Variants in CORO2B observed in about 807,000 individuals in gnomAD.
CORO2B encodes coronin 2B, also known as coronin-2B.
A neutral mutation model predicts 58.8 loss-of-function variants in CORO2B; 26 were observed. The observed-to-expected ratio is 0.44, with a 90% CI of 0.32 to 0.61. The LOEUF (loss-of-function observed/expected upper bound fraction) is 0.61, where lower values mean the gene tolerates loss of function less well. CORO2B is among the 20% of genes least tolerant of loss of function. The pLI is 0.04. For missense variants in CORO2B, 460 were observed against 645.1 expected, an observed-to-expected ratio of 0.71 and a Z score of 3.11; for synonymous variants, 242 against 253.8, an observed-to-expected ratio of 0.95 and a Z score of 0.44.
intron 2 of CORO2B, among the ~76,000 whole-genome samples, chr15:68,667,848 G>A (rs79052899): frequency 0.028 from 4,227 of 152,292 alleles, 194 homozygotes; most frequent in African/African-American, 0.094. Flanking sequence ...ATAGAATATG[G>A]GGCAGTGAAG....
At chr15:68,596,031 G>A (rs529063384) in intron 1 of CORO2B, among the ~76,000 whole-genome samples, 1 of 152,152 alleles carries the variant, frequency 6.6e-6, no homozygotes, top group African/African-American at 2.4e-5. Flanking sequence ...TCGGGGGCTG[G>A]GAAGGTGATG....
intron 2 of CORO2B, among the ~76,000 whole-genome samples, chr15:68,668,230 C>T (rs1236114514): frequency 6.6e-6 from 1 of 152,206 alleles, no homozygotes; most frequent in Non-Finnish European, 1.5e-5. Flanking sequence ...AGGTCATCTG[C>T]CCCACAACGT....
In CORO2B at chr15:68,713,963, G is replaced by A. The variant is rs2140329489; in HGVS notation, c.687G>A (p.Val229=). ...NCKNHRVNRV[V]FLGNMKRLLT... The stretch of plus-strand genomic sequence containing the variant: ...AAAACCACAGAGTGAACCGGGTGGT[G>A]TTCCTGGGGAACATGAAGCGGCTCC... The change falls in exon 6 of 12, where the codon GTG becomes GTA. Residue 229 remains valine (V), a synonymous_variant. Coordinates refer to ENST00000261861, the MANE Select transcript of CORO2B (RefSeq NM_006091.5). 6.2e-7 allele frequency: 1 copy of A among 1,614,142 alleles called. No individual in the cohort carries two copies. The highest frequency in any genetic ancestry group is 2.2e-5 in the East Asian group (1 of 44,874).
At chr15:68,628,189 C>T (rs1452564682) in intron 1 of CORO2B, among the ~76,000 whole-genome samples, 2 of 152,230 alleles carry the variant, frequency 1.3e-5, no homozygotes, top group Non-Finnish European at 2.9e-5. Context: ...TTCTACGTGC[C>T]AAGCACTTTG....
At chr15:68,601,898 C>A (rs1899992900) in intron 1 of CORO2B, among the ~76,000 whole-genome samples, 1 of 152,050 alleles carries the variant, frequency 6.6e-6, no homozygotes, top group Non-Finnish European at 1.5e-5. Flanking sequence ...AAGATCAAGT[C>A]ATCAGCAAGT....
chr15:68,682,208 G>C (rs1380749879), intron 2 of CORO2B, among the ~76,000 whole-genome samples: 1 of 152,224 alleles, frequency 6.6e-6, no homozygotes, highest in African/African-American at 2.4e-5. Context: ...CCTGCAGATA[G>C]TTATGTATGC....
chr15:68,700,906 C>T (rs149073705), intron 3 of CORO2B, among the ~76,000 whole-genome samples: 1 of 152,092 alleles, frequency 6.6e-6, no homozygotes, highest in Non-Finnish European at 1.5e-5. Flanking sequence ...GTGGGCCGAG[C>T]TCCACATCTT....
At chr15:68,576,382 G>T (rs1408664941), upstream of CORO2B, among the ~76,000 whole-genome samples, 2 of 152,054 alleles carry the variant, frequency 1.3e-5, no homozygotes, top group Non-Finnish European at 2.9e-5. Context: ...AACATCACAT[G>T]GGTTGGGGGC....
At chr15:68,655,534 G>A (rs1447749275) in intron 2 of CORO2B, among the ~76,000 whole-genome samples, 1 of 152,114 alleles carries the variant, frequency 6.6e-6, no homozygotes, top group Non-Finnish European at 1.5e-5. Flanking sequence ...CTTATCCAAG[G>A]TTGCATGACA....
upstream of CORO2B, among the ~76,000 whole-genome samples, chr15:68,575,582 CGCCTCGG>C (rs1208803304): frequency 4.1e-4 from 40 of 96,696 alleles, no homozygotes; most frequent in Non-Finnish European, 6.1e-4. Context: ...GATCTGCCCC[CGCCTCGG>C]CCTCCCAAAG....
chr15:68,660,452 C>A (rs1901977983), intron 2 of CORO2B, among the ~76,000 whole-genome samples: 1 of 152,120 alleles, frequency 6.6e-6, no homozygotes, highest in South Asian at 2.1e-4. Context: ...CTCACTGTAG[C>A]CTCAACGTCC....
At chr15:68,540,949 C>T in the CORO2B span, among the ~76,000 whole-genome samples, 1 of 152,180 alleles carries the variant, frequency 6.6e-6, no homozygotes, top group Admixed American at 6.5e-5. Flanking sequence ...AGATCCTCTG[C>T]AAGGGCACAG....
intron 2 of CORO2B, among the ~76,000 whole-genome samples, chr15:68,693,191 C>G (rs1308677826): frequency 1.3e-5 from 2 of 152,140 alleles, no homozygotes; most frequent in African/African-American, 4.8e-5. Flanking sequence ...TTCTCCAGTC[C>G]TGTTTTTTCC....
chr15:68,659,981 G>A (rs75124251), intron 2 of CORO2B, among the ~76,000 whole-genome samples: 4,719 of 152,264 alleles, frequency 0.031, 213 homozygotes, highest in African/African-American at 0.094. Context: ...GAAGAAGAGG[G>A]GTTGGCATTG....
intron 1 of CORO2B, among the ~76,000 whole-genome samples, chr15:68,631,592 GCTC>G (rs1900831475): frequency 6.6e-6 from 1 of 152,156 alleles, no homozygotes; most frequent in Admixed American, 6.5e-5. Context: ...GTGCATTCCA[GCTC>G]TCAGAGCTGA....
the CORO2B span, among the ~76,000 whole-genome samples, chr15:68,528,539 C>T: frequency 6.6e-6 from 1 of 151,950 alleles, no homozygotes; most frequent in African/African-American, 2.4e-5. Flanking sequence ...ATTCTATTTG[C>T]TTATGTTTTG....
chr15:68,538,529 C>A, the CORO2B span, among the ~76,000 whole-genome samples: 1 of 152,174 alleles, frequency 6.6e-6, no homozygotes, highest in Admixed American at 6.5e-5. Context: ...CTGGAGTCTG[C>A]GGTGGCTTCA....
intron 3 of CORO2B, among the ~76,000 whole-genome samples, chr15:68,706,457 T>C (rs1243005720): frequency 6.6e-6 from 1 of 152,198 alleles, no homozygotes; most frequent in Non-Finnish European, 1.5e-5. Context: ...CCCCACTGGC[T>C]CATAGGAGGC....
intron 1 of CORO2B, among the ~76,000 whole-genome samples, chr15:68,638,763 A>G (rs1322655125): frequency 6.6e-6 from 1 of 152,204 alleles, no homozygotes; most frequent in Admixed American, 6.5e-5. Context: ...AGCCACACAG[A>G]CACTCTATGT....
Sources: allele counts gnomAD v4.1 joint callset (sites outside exome capture counted in the v4.1 genomes callset), GRCh38; gene constraint gnomAD v4.1.1; transcripts MANE v1.5; gene names NCBI Gene and HGNC (gene_info 2026-07-23, HGNC 2026-07-21).